Variants in CAPN5 observed in about 807,000 individuals in gnomAD.
CAPN5 encodes the protein calpain-5.
In CAPN5, 54 loss-of-function variants were observed where a neutral mutation model predicts 73.0. The ratio of observed to expected loss-of-function variants is 0.74; its 90% CI spans 0.59 to 0.93. CAPN5 has a LOEUF of 0.93. Among genes scored for constraint, CAPN5 ranks in the 40% least tolerant of loss-of-function variants. The pLI is 0.00. For missense variants in CAPN5, 785 were observed against 882.9 expected (o/e 0.89, Z 1.41); for synonymous variants, 335 against 356.9 (o/e 0.94, Z 0.69).
At chr11:77,099,839 T>C (rs1042963415) in intron 3 of CAPN5, among the ~76,000 whole-genome samples, 17 of 152,028 alleles carry the variant, frequency 1.1e-4, no homozygotes, top group African/African-American at 3.9e-4. Context: ...ATTTTGCTTG[T>C]TTTGGTTTTT....
chr11:77,082,715 C>T (rs1387266695), intron 1 of CAPN5, among the ~76,000 whole-genome samples: 3 of 152,188 alleles, frequency 2.0e-5, no homozygotes, highest in African/African-American at 4.8e-5. Context: ...TTATGGCCTC[C>T]ACCTCCCTTC....
At chr11:77,106,824 G>A (rs544886532) in intron 3 of CAPN5, among the ~76,000 whole-genome samples, 5 of 152,360 alleles carry the variant, frequency 3.3e-5, no homozygotes, top group Admixed American at 6.5e-5. Context: ...GGCCAGTGCC[G>A]ATGGCAGCAG....
rs782300214 is a variant in CAPN5 at position 77,112,778 on chromosome 11, G to A, written c.487G>A (p.Val163Met). The A allele has an allele frequency of 2.5e-6, 4 of 1,614,248 alleles. No homozygotes were observed. Among genetic ancestry groups the A allele is most frequent in the East Asian group, 4.5e-5 (2 of 44,884 alleles). Residue 163 changes from valine to methionine, a missense_variant, in exon 4 of 13, where the codon GTG becomes ATG. Transcript: ENST00000648180. ...NSRNEFWCAL[V>M]EKAYAKLAGC... ...CCGCAATGAGTTTTGGTGCGCCCTA[G>A]TGGAGAAGGCCTATGCCAAGTAGGT...
At chr11:77,068,091 T>C (rs1555032448) in intron 1 of CAPN5, among the ~76,000 whole-genome samples, 2 of 152,140 alleles carry the variant, frequency 1.3e-5, no homozygotes, top group Non-Finnish European at 2.9e-5. Context: ...CGGGTGAGGC[T>C]CAGCCAACTC....
Position 77,116,210 on chromosome 11 carries a change from G to T in CAPN5, c.894-16G>T. 1 of 1,605,376 alleles carries T rather than the reference G, an allele frequency of 6.2e-7. No homozygotes were observed. The highest frequency in any genetic ancestry group is 2.2e-5 in the East Asian group (1 of 44,600). On this transcript the variant is annotated splice_polypyrimidine_tract_variant and intron_variant, in intron 6 of 12. Transcript: ENST00000648180. ...TTAGACAGCTCCCTTTCTCCTCCCCGGCCCTGACACCCCAGCTCGGAGGAG... is the reference window on the plus strand; with the variant it reads ...TTAGACAGCTCCCTTTCTCCTCCCCTGCCCTGACACCCCAGCTCGGAGGAG...
chr11:77,121,838 T>G (rs1335689357), intron 10 of CAPN5, 96 bp from the exon 11 acceptor site: 1 of 640,784 alleles, frequency 1.6e-6, no homozygotes, highest in African/African-American at 1.8e-5. Flanking sequence ...GGCTAAATAC[T>G]GCTTCTCTTC....
intron 1 of CAPN5, among the ~76,000 whole-genome samples, chr11:77,068,279 A>G (rs1949866959): frequency 1.3e-5 from 2 of 152,044 alleles, no homozygotes; most frequent in South Asian, 2.1e-4. Context: ...AGGTCAGGCT[A>G]GTTGCCAGCA....
chr11:77,120,760 C>T lies in CAPN5; in HGVS notation c.1338C>T (p.Ala446=), dbSNP rs782466127. The T allele has an allele frequency of 9.3e-6, 15 of 1,613,704 alleles. No homozygotes were observed. The highest frequency in any genetic ancestry group is 1.3e-5 in the African/African-American group (1 of 74,938). ...QYRMHSLQHK[A]ASSIYINSRS... is the part of the protein sequence containing the mutation. Reference sequence around the variant, plus strand: ...GCATGCACAGCCTGCAGCACAAGGCCGCCAGCTCCATCTACATCAACTCAC... The same window carrying T: ...GCATGCACAGCCTGCAGCACAAGGCTGCCAGCTCCATCTACATCAACTCAC... The change falls in exon 10 of 13, where the codon GCC becomes GCT. Residue 446 remains alanine (A), a synonymous_variant. Transcript: ENST00000648180.
At chr11:77,077,453 C>A (rs10793235) in intron 1 of CAPN5, among the ~76,000 whole-genome samples, 152,246 of 152,246 alleles carry the variant, frequency 1, 76,123 homozygotes, top group Non-Finnish European at 1. Context: ...TATAAAAGCC[C>A]AAAGGTGGGA....
intron 3 of CAPN5, among the ~76,000 whole-genome samples, chr11:77,110,594 G>A (rs770480785): frequency 4.6e-5 from 7 of 152,280 alleles, no homozygotes; most frequent in Middle Eastern, 6.8e-3. Flanking sequence ...AGCACCTTCC[G>A]GTAGTATTGC....
At chr11:77,092,979 A>G (rs1400401854) in intron 2 of CAPN5, among the ~76,000 whole-genome samples, 1 of 152,190 alleles carries the variant, frequency 6.6e-6, no homozygotes, top group East Asian at 1.9e-4. Flanking sequence ...GTCTCTAAAG[A>G]AAAAAAGAAA....
At chr11:77,100,266 G>A (rs1950270965) in intron 3 of CAPN5, among the ~76,000 whole-genome samples, 1 of 152,140 alleles carries the variant, frequency 6.6e-6, no homozygotes, top group Non-Finnish European at 1.5e-5. Flanking sequence ...CTGAGCAGAG[G>A]TCTGTGGACA....
chr11:77,074,553 A>G (rs1423039403), intron 1 of CAPN5, among the ~76,000 whole-genome samples: 1 of 152,162 alleles, frequency 6.6e-6, no homozygotes, highest in African/African-American at 2.4e-5. Flanking sequence ...GGCACCAGCA[A>G]AGATGTGCAA....
intron 1 of CAPN5, among the ~76,000 whole-genome samples, chr11:77,069,592 C>G (rs1949881181): frequency 6.6e-6 from 1 of 152,110 alleles, no homozygotes; most frequent in Non-Finnish European, 1.5e-5. Flanking sequence ...ACAGAAAGCC[C>G]AGCAGTGGGC....
At position 77,124,165 on chromosome 11, in the gene CAPN5, C is replaced by A; in HGVS notation, c.*295C>A. 2.6e-6 allele frequency: 1 copy of A among 388,994 alleles called. No homozygotes were observed. Among genetic ancestry groups the A allele is most frequent in the Non-Finnish European group, 4.6e-6 (1 of 215,182 alleles). 24.1% of individuals were successfully genotyped at this position (388,994 alleles called of 1,614,324 possible). On this transcript the variant is annotated 3_prime_UTR_variant, in exon 13 of 13. Transcript: ENST00000648180. ...TTGAGCACATTTTCCTAAGGCCCTGCTGTCTGCCGAGGAGCGCCAAGAAGA... is the reference window on the plus strand; with the variant it reads ...TTGAGCACATTTTCCTAAGGCCCTGATGTCTGCCGAGGAGCGCCAAGAAGA...
rs967019822 is a variant in CAPN5, at chr11:77,125,618, A to C, written c.*1748A>C. 5.4e-5 allele frequency: 6 copies of C among 112,078 alleles called. No homozygotes were observed. The highest frequency in any genetic ancestry group is 8.5e-5 in the Non-Finnish European group (5 of 58,626). The allele number at this position is 112,078 out of a possible 1,614,324, so 6.9% of individuals were successfully genotyped here. On this transcript the variant is annotated 3_prime_UTR_variant, in exon 13 of 13. Transcript: ENST00000648180. ...GTATCTCTGTATGCACACGCACTAT[A>C]TATATATATATATATATATATACAT...
In CAPN5 at chr11:77,093,610, T is replaced by TCA. The variant is rs1950176213; in HGVS notation, c.166-71_166-70dup. 7 of 1,452,546 alleles carry TCA rather than the reference T, an allele frequency of 4.8e-6. No homozygotes were observed. In the South Asian group the frequency reaches 6.5e-5, roughly 14 times the overall value. The allele number at this position is 1,452,546 out of a possible 1,614,324, so 90.0% of individuals were successfully genotyped here. ...TCTGTGTCTGTCACGTCTGTGTCTGTCATGTCTCCTGCCATGGGGGGCATC... is the reference window on the plus strand; with the variant it reads ...TCTGTGTCTGTCACGTCTGTGTCTGTCACATGTCTCCTGCCATGGGGGGCATC... On this transcript the variant is annotated intron_variant, in intron 2 of 12. Coordinates refer to ENST00000648180, the MANE Select transcript of CAPN5 (RefSeq NM_004055.5).
rs1555043581 is a variant in CAPN5, at chr11:77,124,804, CTG to C, written c.*935_*936del. ...CCAGCTTTTCCTGGAAGATGGGACT[CTG>C]GGGTGTGTGGTGCTCACCAGAGTCA... On this transcript the variant is annotated 3_prime_UTR_variant, in exon 13 of 13. Transcript: ENST00000648180. 1.3e-5 allele frequency: 2 copies of C among 152,234 alleles called. No individual in the cohort carries two copies. Among genetic ancestry groups the C allele is most frequent in the African/African-American group, 2.4e-5 (1 of 41,440 alleles). The allele number at this position is 152,234 out of a possible 1,614,324, so 9.4% of individuals were successfully genotyped here. A position where few individuals can be genotyped will look rare whatever the true frequency, so the allele number is the denominator to read the frequency against.
chr11:77,115,729 T>G, intron 6 of CAPN5, 141 bp downstream of exon 6: 1 of 673,670 alleles, frequency 1.5e-6, no homozygotes, highest in Non-Finnish European at 2.5e-6. Flanking sequence ...AAGGGAGAAT[T>G]ACTTTGCAGT....
Sources: gnomAD v4.1 joint callset for allele counts (sites outside exome capture counted in the v4.1 genomes callset) on GRCh38, gnomAD v4.1.1 for gene constraint, MANE v1.5 for transcripts, NCBI Gene and HGNC (gene_info 2026-07-23, HGNC 2026-07-21) for gene names.